The following DNM3 variants were observed in gnomAD, a reference collection of about 807,000 sequenced individuals.
DNM3 encodes dynamin-3.
In DNM3, 47 loss-of-function variants were observed where a neutral mutation model predicts 101.6. The ratio of observed to expected loss-of-function variants is 0.46; its 90% CI spans 0.37 to 0.59. DNM3 has a LOEUF of 0.59. DNM3 is among the 20% of genes least tolerant of loss of function. The pLI is 0.00. For synonymous variants in DNM3, 385 were observed against 387.9 expected, an observed-to-expected ratio of 0.99 and a Z score of 0.09; for missense variants, 849 against 1,085.7, an observed-to-expected ratio of 0.78 and a Z score of 3.06.
At chr1:171,965,536 G>A (rs2043519313) in intron 2 of DNM3, among the ~76,000 whole-genome samples, 1 of 151,028 alleles carries the variant, frequency 6.6e-6, no homozygotes, top group African/African-American at 2.4e-5. Flanking sequence ...GGACAACAGA[G>A]CTAGACCCTG....
chr1:172,051,826 G>C (rs1011699991), intron 10 of DNM3, among the ~76,000 whole-genome samples: 1 of 152,116 alleles, frequency 6.6e-6, no homozygotes, highest in Non-Finnish European at 1.5e-5. Flanking sequence ...TATTACTTCA[G>C]TTCCACTTGG....
At chr1:172,194,099 T>C (rs2059850347) in intron 14 of DNM3, among the ~76,000 whole-genome samples, 1 of 152,198 alleles carries the variant, frequency 6.6e-6, no homozygotes, top group African/African-American at 2.4e-5. Context: ...TCTTTAATTC[T>C]GCCTTCATTT....
At chr1:172,184,074 T>C (rs2059441911) in intron 14 of DNM3, among the ~76,000 whole-genome samples, 1 of 152,024 alleles carries the variant, frequency 6.6e-6, no homozygotes, top group Non-Finnish European at 1.5e-5. Flanking sequence ...TCAATTTTAT[T>C]TCTGCAAAGT....
chr1:171,890,052 A>G (rs1288285608), intron 1 of DNM3, among the ~76,000 whole-genome samples: 1 of 152,160 alleles, frequency 6.6e-6, no homozygotes, highest in Admixed American at 6.6e-5. Flanking sequence ...CTAGGATAAG[A>G]GGAAAATTCG....
chr1:172,266,728 C>T (rs1014600563), intron 15 of DNM3, among the ~76,000 whole-genome samples: 2 of 152,112 alleles, frequency 1.3e-5, no homozygotes, highest in Non-Finnish European at 2.9e-5. Context: ...ACCCACACCC[C>T]CCTTGGAGTG....
At chr1:172,267,094 C>G (rs556114655) in intron 15 of DNM3, among the ~76,000 whole-genome samples, 1 of 152,254 alleles carries the variant, frequency 6.6e-6, no homozygotes, top group Admixed American at 6.5e-5. Context: ...ATTTTAATAC[C>G]TTATTCTTCC....
Position 172,038,348 on chromosome 1 carries a change from A to G in DNM3, c.879A>G (p.Leu293=). ...TTACCAACCACATTCGGGATACCCT[A>G]CCAAACTTCAGGAACAAACTACAGG... ...QQLTNHIRDT[L]PNFRNKLQGQ... The change falls in exon 7 of 21, where the codon CTA becomes CTG. Residue 293 remains leucine (L), a synonymous_variant. Transcript: ENST00000627582. The G allele has an allele frequency of 6.2e-7, 1 of 1,613,400 alleles. No homozygotes were observed. Among genetic ancestry groups the G allele is most frequent in the Non-Finnish European group, 8.5e-7 (1 of 1,179,558 alleles).
intron 15 of DNM3, chr1:172,289,450 A>C: frequency 2.2e-6 from 1 of 449,600 alleles, no homozygotes; most frequent in Non-Finnish European, 2.8e-6. Flanking sequence ...TGTTAACTAT[A>C]TGTCGTCTCA....
chr1:172,040,583 G>T (rs1443643682), intron 7 of DNM3, among the ~76,000 whole-genome samples: 1 of 151,816 alleles, frequency 6.6e-6, no homozygotes. Flanking sequence ...ATTATGTTGA[G>T]CAGGGAAAGG....
chr1:172,041,986 C>A, intron 7 of DNM3, 23 bp from the exon 8 acceptor site: 1 of 1,560,190 alleles, frequency 6.4e-7, no homozygotes, highest in Non-Finnish European at 8.6e-7. Context: ...TGACTTGAAT[C>A]TATTTCTCTT....
chr1:171,950,829 A>T (rs1175979369), intron 2 of DNM3, among the ~76,000 whole-genome samples: 2 of 152,164 alleles, frequency 1.3e-5, no homozygotes, highest in African/African-American at 4.8e-5. Context: ...TGTGTACTTT[A>T]TTGTATATCA....
chr1:172,031,639 A>G (rs2048618071), intron 4 of DNM3, among the ~76,000 whole-genome samples: 1 of 152,200 alleles, frequency 6.6e-6, no homozygotes, highest in Non-Finnish European at 1.5e-5. Context: ...CAAATGACAA[A>G]TATCATGTAT....
chr1:172,245,627 C>T (rs1295179657), intron 14 of DNM3, among the ~76,000 whole-genome samples: 1 of 152,336 alleles, frequency 6.6e-6, no homozygotes, highest in Middle Eastern at 3.4e-3. Flanking sequence ...ACTGCACTCA[C>T]ATTTCTGGGA....
chr1:172,006,315 A>T (rs12407436), intron 4 of DNM3, among the ~76,000 whole-genome samples: 1 of 151,974 alleles, frequency 6.6e-6, no homozygotes, highest in Admixed American at 6.6e-5. Context: ...TTCCTTGTCC[A>T]TTATCTTCTT....
At chr1:172,218,768 T>G (rs1348762522) in intron 14 of DNM3, among the ~76,000 whole-genome samples, 1 of 151,936 alleles carries the variant, frequency 6.6e-6, no homozygotes, top group Non-Finnish European at 1.5e-5. Flanking sequence ...ATAAGAAGAG[T>G]CAGTAACTGT....
chr1:172,004,512 A>G (rs2046550354), intron 4 of DNM3, among the ~76,000 whole-genome samples: 1 of 151,908 alleles, frequency 6.6e-6, no homozygotes. Flanking sequence ...TAAAACCTTC[A>G]AAAAATGTGT....
intron 20 of DNM3, chr1:172,397,411 T>TA (rs1389120872): frequency 6.6e-6 from 1 of 152,504 alleles, no homozygotes; most frequent in African/African-American, 2.4e-5. Flanking sequence ...AAAGCAGACT[T>TA]ATAGTTTTAG....
intron 1 of DNM3, among the ~76,000 whole-genome samples, chr1:171,905,161 G>T (rs1046735967): frequency 1.3e-5 from 2 of 152,134 alleles, no homozygotes; most frequent in Non-Finnish European, 2.9e-5. Flanking sequence ...CTTTATGTGC[G>T]TACATTCATT....
At chr1:172,164,061 G>A (rs1199243942) in intron 14 of DNM3, among the ~76,000 whole-genome samples, 1 of 151,792 alleles carries the variant, frequency 6.6e-6, no homozygotes, top group African/African-American at 2.4e-5. Flanking sequence ...ATGCTGCAAT[G>A]AATGTGGGGT....
Sources: allele counts gnomAD v4.1 joint callset (sites outside exome capture counted in the v4.1 genomes callset), GRCh38; gene constraint gnomAD v4.1.1; transcripts MANE v1.5; gene names NCBI Gene and HGNC (gene_info 2026-07-23, HGNC 2026-07-21).